COQ2: variants seen among roughly 807,000 people sequenced by gnomAD.
COQ2 encodes 4-hydroxybenzoate polyprenyltransferase, mitochondrial.
COQ2 carries 25 observed loss-of-function variants against 35.7 expected under a neutral mutation model. The observed-to-expected ratio is 0.70, with a 90% CI of 0.51 to 0.98. The LOEUF is 0.98. COQ2 is among the 50% of genes least tolerant of loss of function. The pLI is 0.00. For missense variants in COQ2, 488 were observed against 473.5 expected (o/e 1.03, Z -0.28); for synonymous variants, 206 against 186.2 (o/e 1.11, Z -0.86).
At chr4:83,283,513 T>A in intron 1 of COQ2, 1 of 985,462 alleles carries the variant, frequency 1.0e-6, no homozygotes, top group African/African-American at 1.7e-5. Flanking sequence ...AATCAACTTG[T>A]CCTTTGGAGT....
rs944546272 is a variant in COQ2 at position 83,279,078 on chromosome 4, A to G, written c.290T>C (p.Ile97Thr). 2.5e-6 allele frequency: 4 copies of G among 1,592,750 alleles called. No homozygotes were observed. The highest frequency in any genetic ancestry group is 1.8e-5 in the Admixed American group (1 of 56,416). ...ACAACCTGGTTCAGCTGCCAAACCAATGCTCCAGGTACATGGTAAATACAG... is the reference window on the plus strand; with the variant it reads ...ACAACCTGGTTCAGCTGCCAAACCAGTGCTCCAGGTACATGGTAAATACAG... ...WLLYLPCTWS[I>T]GLAAEPGCFP... The change falls in exon 2 of 7, where the codon ATT (isoleucine) becomes ACT (threonine). Residue 97 changes from isoleucine to threonine, a missense_variant. By Grantham distance (89) the Ile-to-Thr change is moderately conservative. Transcript: ENST00000647002.
chr4:83,264,773 G>A (rs1734871516), intron 6 of COQ2, among the ~76,000 whole-genome samples: 1 of 152,202 alleles, frequency 6.6e-6, no homozygotes, highest in African/African-American at 2.4e-5. Context: ...TAGTTCTAAC[G>A]ATTTAGAACG....
upstream of COQ2, chr4:83,284,911 T>A (rs1419290417): frequency 6.6e-7 from 1 of 1,510,208 alleles, no homozygotes; most frequent in East Asian, 2.7e-5. Context: ...GAAATTGGGG[T>A]CATCGTGGTC....
chr4:83,267,470 G>A (rs1208167314), intron 6 of COQ2, 116 bp downstream of exon 6: 2 of 888,130 alleles, frequency 2.3e-6, no homozygotes, highest in South Asian at 3.6e-5. Flanking sequence ...GGTAGTAGAA[G>A]CCAAGTAGTT....
chr4:83,272,445 G>A (rs151085756), intron 3 of COQ2, among the ~76,000 whole-genome samples: 107 of 152,290 alleles, frequency 7.0e-4, no homozygotes, highest in African/African-American at 2.5e-3. Flanking sequence ...AATCACACTT[G>A]TTAATTCATT....
At chr4:83,276,231 C>G (rs1735179658) in intron 2 of COQ2, among the ~76,000 whole-genome samples, 1 of 151,572 alleles carries the variant, frequency 6.6e-6, no homozygotes, top group Non-Finnish European at 1.5e-5. Context: ...ATGTGCGTTG[C>G]CTACTTTTTA....
chr4:83,278,057 G>C (rs900446698), intron 2 of COQ2, among the ~76,000 whole-genome samples: 1 of 150,136 alleles, frequency 6.7e-6, no homozygotes, highest in Non-Finnish European at 1.5e-5. Context: ...AATTATTATA[G>C]GTCTGCCTTG....
At position 83,264,197 on chromosome 4, in the gene COQ2, CATTA is replaced by C; in HGVS notation, c.1114_*1del. On this transcript the variant is annotated stop_lost and 3_prime_UTR_variant, in exon 7 of 7. Transcript: ENST00000647002. The stretch of plus-strand genomic sequence containing the variant: ...TAAAAATTCCTAGATAAATTTCATT[CATTA>C]ATTTTCTATTTTATTCTCTATACCC... 7.8e-7 allele frequency: 1 copy of C among 1,280,090 alleles called. No homozygotes were observed. Among genetic ancestry groups the C allele is most frequent in the Non-Finnish European group, 1.1e-6 (1 of 932,020 alleles). 79.3% of individuals were successfully genotyped at this position (1,280,090 alleles called of 1,614,324 possible). A position where few individuals can be genotyped will look rare whatever the true frequency, so the allele number is the denominator to read the frequency against.
At chr4:83,270,690 C>A (rs1735028792) in intron 4 of COQ2, among the ~76,000 whole-genome samples, 2 of 152,162 alleles carry the variant, frequency 1.3e-5, no homozygotes, top group Admixed American at 1.3e-4. Flanking sequence ...TGATGAAGTG[C>A]CTCTCCTTTG....
chr4:83,284,077 G>C, intron 1 of COQ2: 1 of 985,474 alleles, frequency 1.0e-6, no homozygotes, highest in Non-Finnish European at 1.2e-6. Flanking sequence ...GATTGTCTTT[G>C]TGGGCCTTAC....
At position 83,264,797 on chromosome 4, in the gene COQ2, T is replaced by C. The variant is rs112287115; in HGVS notation, c.952-434A>G. Among the ~76,000 whole-genome samples, 353 of 152,366 alleles carry C rather than the reference T, an allele frequency of 2.3e-3. 2 individuals are homozygous for C. The highest frequency in any genetic ancestry group is 4.2e-3 in the Non-Finnish European group (289 of 68,028). ...CGATTTAGAACGTTCTTCCTTATAC[T>C]GACTGATCTAAAGTCTGTCTCCCTG... is the stretch of plus-strand genomic sequence containing the variant. On this transcript the variant is annotated intron_variant, in intron 6 of 6. Coordinates refer to ENST00000647002, the MANE Select transcript of COQ2 (RefSeq NM_001358921.2).
intron 6 of COQ2, among the ~76,000 whole-genome samples, chr4:83,264,683 C>T (rs1734869667): frequency 6.6e-6 from 1 of 152,048 alleles, no homozygotes; most frequent in African/African-American, 2.4e-5. Flanking sequence ...ATATTTTTCA[C>T]TTGGAATCAT....
intron 4 of COQ2, among the ~76,000 whole-genome samples, 177 bp downstream of exon 4, chr4:83,271,910 A>G (rs1017875231): frequency 6.6e-6 from 1 of 152,186 alleles, no homozygotes; most frequent in Non-Finnish European, 1.5e-5. Flanking sequence ...TAAATATGCA[A>G]TATTTCTGAA....
chr4:83,284,809 G>T, upstream of COQ2: 1 of 1,569,154 alleles, frequency 6.4e-7, no homozygotes, highest in Non-Finnish European at 8.6e-7. Context: ...GTCATTCCCC[G>T]GCAGGCATGC....
chr4:83,281,339 G>A (rs936382581), intron 1 of COQ2: 1 of 152,182 alleles, frequency 6.6e-6, no homozygotes, highest in Non-Finnish European at 1.5e-5. Flanking sequence ...AAAAATTCTA[G>A]ACAGAAAGAC....
chr4:83,273,620 T>C lies in COQ2; in HGVS notation c.421-3A>G. ...GGACGATTGGCTGTTCTTGTAACCT[T>C]AAAACATAAAAACAGATACCTTAGC... On this transcript the variant is annotated splice_polypyrimidine_tract_variant and splice_region_variant and intron_variant, in intron 2 of 6. Transcript: ENST00000647002. 3 of 1,612,526 alleles carry C rather than the reference T, an allele frequency of 1.9e-6. No homozygotes were observed. Among genetic ancestry groups the C allele is most frequent in the Non-Finnish European group, 2.5e-6 (3 of 1,179,330 alleles).
At chr4:83,279,586 AAT>A (rs143582086) in intron 1 of COQ2, among the ~76,000 whole-genome samples, 6 of 150,438 alleles carry the variant, frequency 4.0e-5, no homozygotes, top group Admixed American at 1.3e-4. Flanking sequence ...TGTGTATATA[AAT>A]ATATATATAT....
intron 4 of COQ2, 83 bp downstream of exon 4, chr4:83,272,004 C>G: frequency 2.3e-6 from 2 of 879,920 alleles, no homozygotes; most frequent in Non-Finnish European, 3.5e-6. Flanking sequence ...TTTGTCATTT[C>G]ATCTTTACCT....
intron 6 of COQ2, among the ~76,000 whole-genome samples, chr4:83,264,666 A>T (rs1286825934): frequency 6.6e-6 from 1 of 152,006 alleles, no homozygotes; most frequent in Non-Finnish European, 1.5e-5. Flanking sequence ...AAAAAGAAAA[A>T]TTTACCATAT....
Sources: allele counts gnomAD v4.1 joint callset (sites outside exome capture counted in the v4.1 genomes callset), GRCh38; gene constraint gnomAD v4.1.1; transcripts MANE v1.5; gene names NCBI Gene and HGNC (gene_info 2026-07-23, HGNC 2026-07-21).